The following HLF variants were observed in gnomAD, a reference collection of about 807,000 sequenced individuals.
HLF encodes the protein HLF transcription factor, PAR bZIP family member.
In HLF, 3 loss-of-function variants were observed where a neutral mutation model predicts 22.6. The ratio of observed to expected loss-of-function variants is 0.13; its 90% CI spans 0.06 to 0.34. The LOEUF (loss-of-function observed/expected upper bound fraction) is 0.34, where lower values mean the gene tolerates loss of function less well. Among genes scored for constraint, HLF ranks in the 10% least tolerant of loss-of-function variants. The pLI is 1.00. For missense variants in HLF, 299 were observed against 389.2 expected (o/e 0.77, Z 1.95); for synonymous variants, 151 against 151.8 (o/e 0.99, Z 0.04).
chr17:55,318,021 C>G (rs958184546), intron 3 of HLF, among the ~76,000 whole-genome samples: 1 of 152,112 alleles, frequency 6.6e-6, no homozygotes, highest in Non-Finnish European at 1.5e-5. Flanking sequence ...CGAGGTGAGC[C>G]AATACTGATA....
chr17:55,288,987 A>G, intron 2 of HLF: 1 of 967,336 alleles, frequency 1.0e-6, no homozygotes. Flanking sequence ...TAACTGGGTA[A>G]GTAGAGAAGC....
chr17:55,304,360 G>A (rs541878849), intron 2 of HLF, among the ~76,000 whole-genome samples: 1 of 152,292 alleles, frequency 6.6e-6, no homozygotes, highest in African/African-American at 2.4e-5. Context: ...GGGCAATGGC[G>A]AGAAGGCTCA....
At chr17:55,307,869 G>A (rs1247895253) in intron 2 of HLF, among the ~76,000 whole-genome samples, 2 of 150,946 alleles carry the variant, frequency 1.3e-5, no homozygotes, top group African/African-American at 4.9e-5. Context: ...TTGTTTGATG[G>A]GTATTGAGCA....
intron 2 of HLF, chr17:55,289,038 A>C (rs2081034270): frequency 1.7e-6 from 1 of 588,750 alleles, no homozygotes; most frequent in Admixed American, 6.3e-5. Context: ...AGATGGATAT[A>C]AATTTTTTTA....
chr17:55,317,175 G>A lies in HLF; in HGVS notation c.672+1728G>A, dbSNP rs1050584713. On this transcript the variant is annotated intron_variant, in intron 3 of 3. Coordinates refer to ENST00000226067, the MANE Select transcript of HLF (RefSeq NM_002126.5). Reference sequence around the variant, plus strand: ...GTAGAGACGGGATTTCACCGTGTTCGCCAGGATGGTCTCGATCTCCTGACC... The same window carrying A: ...GTAGAGACGGGATTTCACCGTGTTCACCAGGATGGTCTCGATCTCCTGACC... Among the ~76,000 whole-genome samples the A allele has an allele frequency of 9.2e-5, 14 of 151,942 alleles. 1 individual carries two copies. The highest frequency in any genetic ancestry group is 3.3e-4 in the Admixed American group (5 of 15,242).
At chr17:55,308,261 T>A (rs138616530) in intron 2 of HLF, among the ~76,000 whole-genome samples, 6 of 152,370 alleles carry the variant, frequency 3.9e-5, no homozygotes, top group African/African-American at 1.4e-4. Flanking sequence ...CAGTGCTGGC[T>A]TAGACAAGGG....
chr17:55,276,617 G>T (rs2080906524), intron 2 of HLF, among the ~76,000 whole-genome samples: 3 of 152,246 alleles, frequency 2.0e-5, no homozygotes, highest in Admixed American at 2.0e-4. Flanking sequence ...ATGCCCACAG[G>T]GTGTTTTAGG....
At chr17:55,298,282 G>T (rs2081127626) in intron 2 of HLF, among the ~76,000 whole-genome samples, 1 of 152,096 alleles carries the variant, frequency 6.6e-6, no homozygotes, top group Non-Finnish European at 1.5e-5. Context: ...AATATTCTTG[G>T]TCTACCCAAA....
At chr17:55,315,089 G>C in intron 2 of HLF, 138 bp from the exon 3 acceptor site, 1 of 671,884 alleles carries the variant, frequency 1.5e-6, no homozygotes. Context: ...ATGCAGTGCG[G>C]ATGAGTAAGA....
chr17:55,302,328 G>GT (rs1200369187), intron 2 of HLF, among the ~76,000 whole-genome samples: 1 of 152,240 alleles, frequency 6.6e-6, no homozygotes, highest in Non-Finnish European at 1.5e-5. Context: ...GAAGGCTTTG[G>GT]AAAGGCATGT....
At chr17:55,310,738 ATGTTAGAAC>A (rs1161674368) in intron 2 of HLF, among the ~76,000 whole-genome samples, 2 of 152,226 alleles carry the variant, frequency 1.3e-5, no homozygotes, top group African/African-American at 2.4e-5. Context: ...AAACTAAGAG[ATGTTAGAAC>A]TGTTAGAACT....
At position 55,284,312 on chromosome 17, in the gene HLF, G is replaced by A. The variant is rs374648463; in HGVS notation, c.451+16226G>A. 5.8e-4 allele frequency among the ~76,000 whole-genome samples: 89 copies of A among 152,326 alleles called. 1 individual carries two copies. The highest frequency in any genetic ancestry group is 2.0e-3 in the African/African-American group (85 of 41,558). On this transcript the variant is annotated intron_variant, in intron 2 of 3. Coordinates refer to ENST00000226067, the MANE Select transcript of HLF (RefSeq NM_002126.5). ...AGGACTTGATCCAAGAGTGTGTTGGGCAATAGGGTGAAGTGGGCTCCAGGT... is the reference window on the plus strand; with the variant it reads ...AGGACTTGATCCAAGAGTGTGTTGGACAATAGGGTGAAGTGGGCTCCAGGT...
intron 2 of HLF, among the ~76,000 whole-genome samples, chr17:55,279,072 AAGTG>A (rs1192473284): frequency 2.6e-5 from 4 of 152,186 alleles, no homozygotes; most frequent in East Asian, 3.8e-4. Context: ...CTTCCTGGGG[AAGTG>A]AGTATCTTTT....
At chr17:55,267,674 A>C (rs1316285995) in intron 1 of HLF, 77 bp from the exon 2 acceptor site, 18 of 1,028,534 alleles carry the variant, frequency 1.8e-5, no homozygotes, top group Non-Finnish European at 2.4e-5. Flanking sequence ...ATAACAGGCC[A>C]GGAAAAGTGA....
At chr17:55,300,689 C>T (rs1295959001) in intron 2 of HLF, among the ~76,000 whole-genome samples, 1 of 152,134 alleles carries the variant, frequency 6.6e-6, no homozygotes, top group African/African-American at 2.4e-5. Context: ...TTCATGTTGC[C>T]CCCATCTCAT....
intron 2 of HLF, among the ~76,000 whole-genome samples, chr17:55,305,835 C>T (rs1276084556): frequency 6.6e-6 from 1 of 152,082 alleles, no homozygotes; most frequent in Non-Finnish European, 1.5e-5. Flanking sequence ...ATTCCTGGGG[C>T]ATTCGCATGA....
intron 2 of HLF, among the ~76,000 whole-genome samples, chr17:55,289,205 G>T (rs876719): frequency 0.2 from 30,671 of 152,132 alleles, 3,914 homozygotes; most frequent in East Asian, 0.35. Context: ...CACTAAAACA[G>T]ACTTGGCCTT....
chr17:55,298,100 C>G (rs1182251856), intron 2 of HLF, among the ~76,000 whole-genome samples: 1 of 152,086 alleles, frequency 6.6e-6, no homozygotes, highest in African/African-American at 2.4e-5. Context: ...TCTACTCCCA[C>G]CCAGCATTTG....
chr17:55,284,579 C>T (rs2080984971), intron 2 of HLF, among the ~76,000 whole-genome samples: 1 of 152,146 alleles, frequency 6.6e-6, no homozygotes. Flanking sequence ...GATTGCCTGC[C>T]CCATGGTTGG....
Sources: allele counts gnomAD v4.1 joint callset (sites outside exome capture counted in the v4.1 genomes callset), GRCh38; gene constraint gnomAD v4.1.1; transcripts MANE v1.5; gene names NCBI Gene and HGNC (gene_info 2026-07-23, HGNC 2026-07-21).